Variants in TBC1D22A observed in about 807,000 individuals in gnomAD.
TBC1D22A encodes the protein TBC1 domain family member 22A.
TBC1D22A carries 38 observed loss-of-function variants against 60.2 expected under a neutral mutation model. The observed-to-expected ratio is 0.63, with a 90% CI of 0.49 to 0.83. The LOEUF is 0.83. Ranked by LOEUF, TBC1D22A falls within the 40% of genes least tolerant of loss-of-function variation. TBC1D22A has a pLI of 0.00. For missense variants in TBC1D22A, 628 were observed against 701.0 expected (o/e 0.90, Z 1.18); for synonymous variants, 302 against 281.7 (o/e 1.07, Z -0.72).
intron 11 of TBC1D22A, among the ~76,000 whole-genome samples, chr22:47,069,082 A>C (rs1442333460): frequency 1.3e-5 from 2 of 152,162 alleles, no homozygotes; most frequent in Non-Finnish European, 1.5e-5. Flanking sequence ...ATGGCTCATA[A>C]ATTTTCTTAA....
intron 4 of TBC1D22A, among the ~76,000 whole-genome samples, chr22:46,841,333 C>T (rs1437579465): frequency 6.6e-6 from 1 of 152,088 alleles, no homozygotes; most frequent in African/African-American, 2.4e-5. Flanking sequence ...TTGGCCGTTC[C>T]GCCATGTGAG....
rs1000742357 is a variant in TBC1D22A at position 46,770,323 on chromosome 22, A to G, written c.62+7475A>G. On this transcript the variant is annotated intron_variant, in intron 1 of 12. Coordinates refer to ENST00000337137, the MANE Select transcript of TBC1D22A (RefSeq NM_014346.5). Reference sequence around the variant, plus strand: ...AATTCTGCCGCCAACCGGAGTGAGCAGGAAAGGGGTTCTCCCTTCGAGCCT... The same window carrying G: ...AATTCTGCCGCCAACCGGAGTGAGCGGGAAAGGGGTTCTCCCTTCGAGCCT... 2.0e-5 allele frequency among the ~76,000 whole-genome samples: 3 copies of G among 152,242 alleles called. No individual in the cohort carries two copies. In the East Asian group the frequency reaches 5.8e-4, roughly 29 times the overall value.
chr22:47,111,048 C>G (rs563461787), intron 11 of TBC1D22A, among the ~76,000 whole-genome samples: 1 of 152,348 alleles, frequency 6.6e-6, no homozygotes, highest in South Asian at 2.1e-4. Flanking sequence ...GAGACCCGGA[C>G]CGGGTTGTGG....
At chr22:47,054,743 C>T (rs974940342) in intron 11 of TBC1D22A, among the ~76,000 whole-genome samples, 2 of 152,198 alleles carry the variant, frequency 1.3e-5, no homozygotes, top group African/African-American at 2.4e-5. Context: ...CCAGTGAGGG[C>T]TGTTCCTGGG....
chr22:47,155,051 A>G (rs2067656631), intron 12 of TBC1D22A, among the ~76,000 whole-genome samples: 2 of 152,208 alleles, frequency 1.3e-5, no homozygotes, highest in Non-Finnish European at 2.9e-5. Context: ...GCTGAAAAAG[A>G]CGAAGGGCTG....
intron 4 of TBC1D22A, among the ~76,000 whole-genome samples, chr22:46,823,624 G>T (rs538385975): frequency 6.3e-4 from 96 of 152,354 alleles, no homozygotes; most frequent in Middle Eastern, 3.4e-3. Flanking sequence ...AGGATTCAAT[G>T]AATTCATGGA....
chr22:47,147,290 A>G lies in TBC1D22A; in HGVS notation c.1426-26208A>G, dbSNP rs114507847. ...TTGCCAAGCACAGGCAATGCCAGAGATTAAATATTCCTCCCCGTAAAAGGT... is the reference window on the plus strand; with the variant it reads ...TTGCCAAGCACAGGCAATGCCAGAGGTTAAATATTCCTCCCCGTAAAAGGT... On this transcript the variant is annotated intron_variant, in intron 12 of 12. Coordinates refer to ENST00000337137, the MANE Select transcript of TBC1D22A (RefSeq NM_014346.5). Among the ~76,000 whole-genome samples the G allele has an allele frequency of 8.5e-3, 1,301 of 152,358 alleles. 13 individuals carry two copies. Among genetic ancestry groups the G allele is most frequent in the African/African-American group, 0.03 (1,239 of 41,582 alleles).
intron 10 of TBC1D22A, among the ~76,000 whole-genome samples, chr22:47,035,720 C>T (rs2062633005): frequency 6.6e-6 from 1 of 152,158 alleles, no homozygotes; most frequent in Non-Finnish European, 1.5e-5. Context: ...CCAGAGCTGC[C>T]CATGCTTTTC....
At chr22:47,135,281 G>T (rs1298469183) in intron 12 of TBC1D22A, among the ~76,000 whole-genome samples, 3 of 152,298 alleles carry the variant, frequency 2.0e-5, no homozygotes, top group Non-Finnish European at 4.4e-5. Context: ...GAGGGTCTGC[G>T]GTGGGTCCAT....
intron 7 of TBC1D22A, among the ~76,000 whole-genome samples, chr22:46,904,785 T>C (rs557826489): frequency 5.1e-4 from 74 of 145,606 alleles, no homozygotes; most frequent in African/African-American, 1.7e-3. Flanking sequence ...TTTTTTTTTT[T>C]TTTTTCTGAG....
At chr22:46,809,266 C>CAG (rs1176729948) in intron 4 of TBC1D22A, among the ~76,000 whole-genome samples, 1 of 151,884 alleles carries the variant, frequency 6.6e-6, no homozygotes, top group Non-Finnish European at 1.5e-5. Flanking sequence ...GAGAGAGATC[C>CAG]AGAGAGAGAG....
At position 47,109,697 on chromosome 22, in the gene TBC1D22A, C is replaced by T. The variant is rs547193516; in HGVS notation, c.1330-1811C>T. ...TCCCCATCTTAGGAACTGGCAACTT[C>T]GCCCTTCCAGTTGTTGAGGCCCATA... On this transcript the variant is annotated intron_variant, in intron 11 of 12. Transcript: ENST00000337137. Among the ~76,000 whole-genome samples the T allele has an allele frequency of 2.6e-5, 4 of 152,312 alleles. No individual in the cohort carries two copies. In the South Asian group the frequency reaches 8.3e-4, roughly 32 times the overall value.
intron 11 of TBC1D22A, among the ~76,000 whole-genome samples, chr22:47,088,639 T>C (rs1010955312): frequency 1.1e-4 from 17 of 152,184 alleles, no homozygotes; most frequent in Admixed American, 2.6e-4. Flanking sequence ...GGAAGAACTG[T>C]GGCTGTAAAT....
At position 46,792,079 on chromosome 22, in the gene TBC1D22A, ATTATAT is replaced by A. The variant is rs1002508959; in HGVS notation, c.63-436_63-431del. On this transcript the variant is annotated intron_variant, in intron 1 of 12. Transcript: ENST00000337137. ...CCAAGCCTGTTCAATCTTTTAAAAA[ATTATAT>A]TTATCTTTTGCAATTCTGCATTCAA... Among the ~76,000 whole-genome samples the A allele has an allele frequency of 7.2e-5, 11 of 152,358 alleles. No individual in the cohort carries two copies. In the South Asian group the frequency reaches 2.3e-3, roughly 32 times the overall value.
chr22:47,146,954 A>G (rs113903098), intron 12 of TBC1D22A, among the ~76,000 whole-genome samples: 104 of 152,310 alleles, frequency 6.8e-4, no homozygotes, highest in African/African-American at 2.4e-3. Context: ...GAAAAATACC[A>G]CAGCCCACCG....
chr22:47,154,841 A>G (rs537764558), intron 12 of TBC1D22A, among the ~76,000 whole-genome samples: 24 of 152,316 alleles, frequency 1.6e-4, no homozygotes, highest in African/African-American at 5.8e-4. Flanking sequence ...AGCCTGGCAG[A>G]CCTGGCCTTG....
intron 1 of TBC1D22A, among the ~76,000 whole-genome samples, chr22:46,779,350 C>T (rs113609970): frequency 0.016 from 2,495 of 152,180 alleles, 72 homozygotes; most frequent in African/African-American, 0.057. Flanking sequence ...TTATGTGGTG[C>T]GTGGCTTGAC....
chr22:46,973,377 A>T (rs2074155567), intron 8 of TBC1D22A, among the ~76,000 whole-genome samples: 1 of 152,230 alleles, frequency 6.6e-6, no homozygotes, highest in South Asian at 2.1e-4. Flanking sequence ...ATGAGCACGC[A>T]CATTCACAGT....
At chr22:47,044,665 A>G (rs2062970173) in intron 11 of TBC1D22A, among the ~76,000 whole-genome samples, 1 of 152,162 alleles carries the variant, frequency 6.6e-6, no homozygotes, top group Non-Finnish European at 1.5e-5. Context: ...GGCATAGATC[A>G]CTGTCAGCTG....
Sources: allele counts gnomAD v4.1 joint callset (sites outside exome capture counted in the v4.1 genomes callset), GRCh38; gene constraint gnomAD v4.1.1; transcripts MANE v1.5; gene names NCBI Gene and HGNC (gene_info 2026-07-23, HGNC 2026-07-21).